The following SLCO1B1 variants were observed in gnomAD, a reference collection of about 807,000 sequenced individuals.
SLCO1B1 encodes the protein OATP-2.
In SLCO1B1, 81 loss-of-function variants were observed where a neutral mutation model predicts 70.1. The ratio of observed to expected loss-of-function variants is 1.16; its 90% CI spans 0.97 to 1.39. SLCO1B1 has a LOEUF of 1.39. Ranked by LOEUF, SLCO1B1 falls within the 40% of genes most tolerant of loss-of-function variation. SLCO1B1 has a pLI of 0.00. For missense variants in SLCO1B1, 895 were observed against 799.6 expected (o/e 1.12, Z -1.44); for synonymous variants, 283 against 271.5 (o/e 1.04, Z -0.42).
At chr12:21,141,206 ATAATT>A (rs1320431995) in intron 1 of SLCO1B1, among the ~76,000 whole-genome samples, 1 of 151,894 alleles carries the variant, frequency 6.6e-6, no homozygotes, top group Non-Finnish European at 1.5e-5. Context: ...AGAAAAGATA[ATAATT>A]TAAATTTCTA....
intron 2 of SLCO1B1, among the ~76,000 whole-genome samples, chr12:21,152,533 C>CTTGTTTTTTTTTTTTTTTT (rs1940485091): frequency 2.0e-4 from 7 of 34,348 alleles, no homozygotes; most frequent in Non-Finnish European, 2.6e-4. Flanking sequence ...AGAGGAGAGG[C>CTTGTTTTTTTTTTTTTTTT]TTTTTTTTTT....
chr12:21,173,993 G>A (rs1340012214), intron 3 of SLCO1B1, among the ~76,000 whole-genome samples: 2 of 151,972 alleles, frequency 1.3e-5, no homozygotes, highest in African/African-American at 4.8e-5. Flanking sequence ...TCCTGACCTC[G>A]TGATCCACCC....
intron 7 of SLCO1B1, among the ~76,000 whole-genome samples, chr12:21,194,501 G>A (rs1565678693): frequency 6.6e-6 from 1 of 151,974 alleles, no homozygotes; most frequent in Non-Finnish European, 1.5e-5. Flanking sequence ...CCCAATAACT[G>A]TCATTTCTAT....
At chr12:21,211,700 T>A (rs1941287922) in intron 11 of SLCO1B1, among the ~76,000 whole-genome samples, 1 of 152,216 alleles carries the variant, frequency 6.6e-6, no homozygotes, top group Non-Finnish European at 1.5e-5. Context: ...CTGGACTCTT[T>A]TTGGTTGGTA....
intron 7 of SLCO1B1, among the ~76,000 whole-genome samples, chr12:21,185,353 G>A (rs906441133): frequency 6.6e-6 from 1 of 152,006 alleles, no homozygotes; most frequent in African/African-American, 2.4e-5. Context: ...TCAATCATAT[G>A]CTCAGTCATA....
chr12:21,222,975 G>T (rs529439131), intron 13 of SLCO1B1, among the ~76,000 whole-genome samples: 2 of 152,238 alleles, frequency 1.3e-5, no homozygotes, highest in Admixed American at 6.5e-5. Flanking sequence ...TATTCTGTTG[G>T]TTTTCTTCCC....
intron 12 of SLCO1B1, among the ~76,000 whole-genome samples, chr12:21,220,945 G>A (rs1941416667): frequency 6.6e-6 from 1 of 151,986 alleles, no homozygotes; most frequent in Non-Finnish European, 1.5e-5. Context: ...TGATCAAGTT[G>A]TTTTTATTCT....
At chr12:21,153,525 T>C (rs1012394198) in intron 2 of SLCO1B1, among the ~76,000 whole-genome samples, 7 of 152,124 alleles carry the variant, frequency 4.6e-5, no homozygotes, top group African/African-American at 1.7e-4. Flanking sequence ...TAAGTCTCCC[T>C]GATGTACTTA....
At chr12:21,190,478 C>T (rs534508516) in intron 7 of SLCO1B1, among the ~76,000 whole-genome samples, 4 of 152,292 alleles carry the variant, frequency 2.6e-5, no homozygotes, top group African/African-American at 4.8e-5. Flanking sequence ...CCACTGTTCT[C>T]CCAACCACCT....
intron 9 of SLCO1B1, 36 bp from the exon 10 acceptor site, chr12:21,202,455 C>T (rs1565437692): frequency 1.5e-6 from 2 of 1,349,602 alleles, no homozygotes; most frequent in South Asian, 1.3e-5. Flanking sequence ...TCAGAAAACT[C>T]ATATATGATT....
At chr12:21,135,738 G>T (rs2121025843) in intron 1 of SLCO1B1, among the ~76,000 whole-genome samples, 1 of 152,262 alleles carries the variant, frequency 6.6e-6, no homozygotes, top group East Asian at 1.9e-4. Flanking sequence ...CTCTGCATGT[G>T]AGATGGATTT....
At chr12:21,219,007 T>G (rs1010655926) in intron 12 of SLCO1B1, among the ~76,000 whole-genome samples, 1 of 152,216 alleles carries the variant, frequency 6.6e-6, no homozygotes, top group African/African-American at 2.4e-5. Context: ...TGTATTCATT[T>G]TTTATGTCAG....
intron 1 of SLCO1B1, among the ~76,000 whole-genome samples, chr12:21,139,947 C>T (rs1565663460): frequency 6.6e-6 from 1 of 152,080 alleles, no homozygotes; most frequent in Non-Finnish European, 1.5e-5. Context: ...GGAAAAGATA[C>T]ATATGCTGTA....
At position 21,172,747 on chromosome 12, in the gene SLCO1B1, T is replaced by C; in HGVS notation, c.182T>C (p.Ile61Thr). ...SIIHIERRFE[I>T]SSSLVGFIDG... ...ATTCATATAGAACGGAGATTTGAGA[T>C]ATCCTCTTCTCTTGTTGGTTTTATT... The change falls in exon 3 of 15, where the codon ATA becomes ACA. Residue 61 changes from isoleucine to threonine, a missense_variant. Ile to Thr is a moderately conservative substitution (Grantham distance 89). Coordinates refer to ENST00000256958, the MANE Select transcript of SLCO1B1 (RefSeq NM_006446.5). The C allele has an allele frequency of 6.2e-7, 1 of 1,613,552 alleles. No homozygotes were observed.
At chr12:21,147,537 G>A (rs547741275) in intron 2 of SLCO1B1, among the ~76,000 whole-genome samples, 2 of 152,216 alleles carry the variant, frequency 1.3e-5, no homozygotes, top group South Asian at 2.1e-4. Flanking sequence ...GCAGTGTTTG[G>A]ATTTCTGCTC....
chr12:21,196,976 G>A lies in SLCO1B1; in HGVS notation c.758G>A (p.Arg253Gln), dbSNP rs11045853. The change falls in exon 8 of 15, where the codon CGA (arginine) becomes CAA (glutamine). Residue 253 changes from arginine (R) to glutamine (Q), a missense_variant. Transcript: ENST00000256958. ...STIRITPTDS[R>Q]WVGAWWLNFL... ...ATCAGGATAACTCCTACTGATTCTC[G>A]ATGGGTTGGAGCTTGGTGGCTTAAT... is the stretch of plus-strand genomic sequence containing the variant. The A allele has an allele frequency of 1.8e-4, 285 of 1,613,380 alleles. No individual in the cohort carries two copies. In the African/African-American group the frequency reaches 3.1e-3, roughly 17 times the overall value.
intron 11 of SLCO1B1, among the ~76,000 whole-genome samples, chr12:21,210,043 T>C (rs536594879): frequency 0.016 from 2,363 of 148,506 alleles, 49 homozygotes; most frequent in African/African-American, 0.055. Context: ...TTTTTTGCTG[T>C]GCAGAAGCTC....
intron 14 of SLCO1B1, among the ~76,000 whole-genome samples, chr12:21,229,093 G>C (rs1225710773): frequency 6.6e-6 from 1 of 151,906 alleles, no homozygotes; most frequent in Admixed American, 6.6e-5. Flanking sequence ...CAATTTTAGA[G>C]AGTTTTAGGA....
chr12:21,179,745 A>G (rs770320570), intron 7 of SLCO1B1, among the ~76,000 whole-genome samples: 2 of 152,068 alleles, frequency 1.3e-5, no homozygotes, highest in Non-Finnish European at 2.9e-5. Context: ...TCCAATGTTG[A>G]TAGATCTAGC....
Sources: allele counts gnomAD v4.1 joint callset (sites outside exome capture counted in the v4.1 genomes callset), GRCh38; gene constraint gnomAD v4.1.1; transcripts MANE v1.5; gene names NCBI Gene and HGNC (gene_info 2026-07-23, HGNC 2026-07-21).